The following CNTNAP4 variants were observed in gnomAD, a reference collection of about 807,000 sequenced individuals.
CNTNAP4 encodes the protein contactin associated protein family member 4, also known as contactin-associated protein-like 4.
Under a neutral mutation model 148.4 loss-of-function variants are expected in CNTNAP4, and 98 were observed. That is an observed-to-expected ratio of 0.66 (90% confidence interval 0.56 to 0.78). CNTNAP4 has a LOEUF of 0.78. Among genes scored for constraint, CNTNAP4 ranks in the 30% least tolerant of loss-of-function variants. CNTNAP4 has a pLI of 0.00. For missense variants in CNTNAP4, 1,935 were observed against 1,565.6 expected (o/e 1.24, Z -3.98); for synonymous variants, 730 against 565.1 (o/e 1.29, Z -4.14).
intron 4 of CNTNAP4, chr16:76,432,439 T>C (rs1257252264): frequency 1.3e-5 from 2 of 152,162 alleles, no homozygotes; most frequent in African/African-American, 4.8e-5. Flanking sequence ...CTAAATTTTA[T>C]GGGATCAAAG....
intron 3 of CNTNAP4, among the ~76,000 whole-genome samples, chr16:76,394,107 T>C (rs994809191): frequency 6.6e-6 from 1 of 152,166 alleles, no homozygotes; most frequent in Non-Finnish European, 1.5e-5. Flanking sequence ...TTCTACAACA[T>C]CTGAAAATTC....
At chr16:76,297,228 C>G (rs1959407042) in intron 1 of CNTNAP4, among the ~76,000 whole-genome samples, 2 of 152,128 alleles carry the variant, frequency 1.3e-5, no homozygotes, top group South Asian at 4.1e-4. Context: ...TAGATTTCAT[C>G]ATTTCTAAAA....
Position 76,453,497 on chromosome 16 carries a change from A to G in CNTNAP4, c.1333+728A>G, listed in dbSNP as rs1423053540. Among the ~76,000 whole-genome samples the G allele has an allele frequency of 3.9e-5, 6 of 152,200 alleles. No homozygotes were observed. In the South Asian group the frequency reaches 1.2e-3, roughly 32 times the overall value. On this transcript the variant is annotated intron_variant, in intron 8 of 23. Coordinates refer to ENST00000611870, the MANE Select transcript of CNTNAP4 (RefSeq NM_033401.5). ...TTATAAAGTTCTTGACAAAAGCTCTACATCACATTTTTACGTATGTACAAT... is the reference window on the plus strand; with the variant it reads ...TTATAAAGTTCTTGACAAAAGCTCTGCATCACATTTTTACGTATGTACAAT...
intron 3 of CNTNAP4, among the ~76,000 whole-genome samples, chr16:76,418,728 G>T (rs960257067): frequency 1.8e-5 from 1 of 55,858 alleles, no homozygotes; most frequent in Non-Finnish European, 5.2e-5. Flanking sequence ...CAGAGTGTGG[G>T]GTTTTTTTTT....
intron 3 of CNTNAP4, among the ~76,000 whole-genome samples, chr16:76,418,061 C>T (rs955880572): frequency 9.3e-5 from 14 of 150,500 alleles, no homozygotes; most frequent in African/African-American, 3.4e-4. Flanking sequence ...CTGTAATTTG[C>T]ATCTGATATG....
intron 1 of CNTNAP4, among the ~76,000 whole-genome samples, chr16:76,311,075 G>A (rs559051376): frequency 2.5e-4 from 38 of 151,998 alleles, no homozygotes; most frequent in Non-Finnish European, 3.7e-4. Context: ...TGAGAACGTA[G>A]CACCTAATAA....
intron 2 of CNTNAP4, among the ~76,000 whole-genome samples, chr16:76,335,401 A>C (rs900355122): frequency 3.3e-5 from 5 of 152,184 alleles, no homozygotes; most frequent in Non-Finnish European, 7.3e-5. Flanking sequence ...GCTTGGGAAC[A>C]AAGCTCATTG....
At chr16:76,544,956 A>G (rs1198260521) in intron 21 of CNTNAP4, among the ~76,000 whole-genome samples, 1 of 152,344 alleles carries the variant, frequency 6.6e-6, no homozygotes, top group African/African-American at 2.4e-5. Flanking sequence ...TCTCCAATGT[A>G]TCAGAAATTC....
chr16:76,346,432 T>A (rs1369444158), intron 2 of CNTNAP4, among the ~76,000 whole-genome samples: 916 of 123,286 alleles, frequency 7.4e-3, no homozygotes, highest in Middle Eastern at 0.012. Context: ...CTAGGGAAGA[T>A]AAAAAAAAAA....
intron 7 of CNTNAP4, 22 bp downstream of exon 7, chr16:76,449,880 C>T (rs1490395390): frequency 6.4e-7 from 1 of 1,573,862 alleles, no homozygotes. Context: ...TATGCGAAGA[C>T]ATTAGTAAAA....
chr16:76,320,841 G>T (rs1052017217), intron 2 of CNTNAP4, among the ~76,000 whole-genome samples: 2 of 152,114 alleles, frequency 1.3e-5, no homozygotes, highest in Non-Finnish European at 2.9e-5. Flanking sequence ...ATTGCAAATT[G>T]ATAAATTTGT....
intron 1 of CNTNAP4, among the ~76,000 whole-genome samples, chr16:76,301,728 G>C (rs7200461): frequency 0.024 from 3,723 of 152,242 alleles, 154 homozygotes; most frequent in African/African-American, 0.084. Context: ...CTCCAAGTGA[G>C]GAGGTGGGAG....
At chr16:76,421,308 CTTTAAT>C (rs2079179269) in intron 3 of CNTNAP4, among the ~76,000 whole-genome samples, 1 of 151,882 alleles carries the variant, frequency 6.6e-6, no homozygotes, top group Non-Finnish European at 1.5e-5. Context: ...ATTCCATTCC[CTTTAAT>C]TTTGCAAATT....
At chr16:76,480,185 T>C (rs1478180271) in intron 12 of CNTNAP4, among the ~76,000 whole-genome samples, 3 of 152,102 alleles carry the variant, frequency 2.0e-5, no homozygotes, top group Non-Finnish European at 4.4e-5. Context: ...AGACCAAGAT[T>C]CTCACTATTC....
intron 23 of CNTNAP4, among the ~76,000 whole-genome samples, chr16:76,555,337 A>G (rs989296451): frequency 1.3e-5 from 2 of 152,202 alleles, no homozygotes; most frequent in African/African-American, 2.4e-5. Flanking sequence ...CCATTTAATC[A>G]CCAAACATGC....
At chr16:76,338,299 G>A (rs1055430215) in intron 2 of CNTNAP4, among the ~76,000 whole-genome samples, 3 of 152,084 alleles carry the variant, frequency 2.0e-5, no homozygotes, top group South Asian at 2.1e-4. Flanking sequence ...CCCTCCATTC[G>A]GGGTCCCCGA....
intron 2 of CNTNAP4, among the ~76,000 whole-genome samples, chr16:76,347,183 T>G (rs1964978081): frequency 6.6e-6 from 1 of 151,710 alleles, no homozygotes; most frequent in Admixed American, 6.6e-5. Context: ...GTTGAGTGCT[T>G]AAACTTCTGT....
intron 3 of CNTNAP4, among the ~76,000 whole-genome samples, chr16:76,423,143 G>A (rs1361405629): frequency 6.6e-6 from 1 of 152,108 alleles, no homozygotes; most frequent in Non-Finnish European, 1.5e-5. Flanking sequence ...GGACTTTCCA[G>A]CCTCCAGAAC....
intron 1 of CNTNAP4, among the ~76,000 whole-genome samples, chr16:76,307,084 AC>A (rs1960554505): frequency 6.6e-6 from 1 of 152,224 alleles, no homozygotes; most frequent in Non-Finnish European, 1.5e-5. Flanking sequence ...TAACAAAAGT[AC>A]TTCATTGAAT....
Sources: gnomAD v4.1 joint callset for allele counts (sites outside exome capture counted in the v4.1 genomes callset) on GRCh38, gnomAD v4.1.1 for gene constraint, MANE v1.5 for transcripts, NCBI Gene and HGNC (gene_info 2026-07-23, HGNC 2026-07-21) for gene names.